The following NOX4 variants were observed in gnomAD, a reference collection of about 807,000 sequenced individuals.
NOX4 encodes NADPH oxidase 4.
NOX4 carries 69 observed loss-of-function variants against 87.6 expected under a neutral mutation model. That is an observed-to-expected ratio of 0.79 (90% confidence interval 0.65 to 0.96). The LOEUF (loss-of-function observed/expected upper bound fraction) is 0.96. Among genes scored for constraint, NOX4 ranks in the 40% least tolerant of loss-of-function variants. The pLI is 0.00. For synonymous variants in NOX4, 275 were observed against 238.2 expected (o/e 1.15, Z -1.42); for missense variants, 680 against 681.5 (o/e 1.00, Z 0.02).
At chr11:89,522,182 T>C in the NOX4 span, among the ~76,000 whole-genome samples, 1 of 152,116 alleles carries the variant, frequency 6.6e-6, no homozygotes, top group Non-Finnish European at 1.5e-5. Flanking sequence ...TAGGTATATA[T>C]CCAAAAGAAA....
chr11:89,426,270 G>A (rs548378642), intron 7 of NOX4, among the ~76,000 whole-genome samples: 20 of 152,258 alleles, frequency 1.3e-4, no homozygotes, highest in African/African-American at 4.3e-4. Context: ...AATAGGAACA[G>A]CTCCAGTCTA....
chr11:89,451,302 C>G (rs1944949345), intron 3 of NOX4, among the ~76,000 whole-genome samples: 1 of 152,188 alleles, frequency 6.6e-6, no homozygotes, highest in Non-Finnish European at 1.5e-5. Flanking sequence ...CACCAGCAAT[C>G]ATTTCATGTA....
the NOX4 span, among the ~76,000 whole-genome samples, chr11:89,507,144 G>T: frequency 5.3e-5 from 8 of 151,794 alleles, no homozygotes; most frequent in Non-Finnish European, 7.4e-5. Context: ...CTGTGGCTGG[G>T]GTGGGCTGGG....
chr11:89,409,023 T>C lies in NOX4; in HGVS notation c.630-6481A>G, dbSNP rs142927979. Among the ~76,000 whole-genome samples the C allele has an allele frequency of 6.0e-4, 91 of 152,036 alleles. 1 individual carries two copies. The highest frequency in any genetic ancestry group is 2.2e-3 in the African/African-American group (91 of 41,468). ...GGTCATTTCCCTAAGTTTCCTTAAC[T>C]GAAAAAGAGAAATAGTACCTGTTCC... On this transcript the variant is annotated intron_variant, in intron 8 of 17. Coordinates refer to ENST00000263317, the MANE Select transcript of NOX4 (RefSeq NM_016931.5).
At chr11:89,531,354 T>A in the NOX4 span, among the ~76,000 whole-genome samples, 2 of 152,292 alleles carry the variant, frequency 1.3e-5, no homozygotes, top group East Asian at 3.9e-4. Flanking sequence ...ACAGTGATTT[T>A]AAGACACCTA....
intron 17 of NOX4, among the ~76,000 whole-genome samples, chr11:89,328,449 T>C (rs1945306077): frequency 6.6e-6 from 1 of 152,154 alleles, no homozygotes; most frequent in South Asian, 2.1e-4. Flanking sequence ...AAGGCTGCTC[T>C]GGACCTCCAC....
the NOX4 span, among the ~76,000 whole-genome samples, chr11:89,579,584 A>G: frequency 6.6e-6 from 1 of 152,330 alleles, no homozygotes; most frequent in East Asian, 1.9e-4. Flanking sequence ...ATCTACCTGT[A>G]AAATAGCCAT....
At chr11:89,452,297 T>C (rs1016963779) in intron 2 of NOX4, among the ~76,000 whole-genome samples, 1 of 152,134 alleles carries the variant, frequency 6.6e-6, no homozygotes, top group African/African-American at 2.4e-5. Flanking sequence ...TTAAATGACA[T>C]TTTTCTCATG....
chr11:89,326,323 T>C lies in NOX4; in HGVS notation c.*433A>G, dbSNP rs1945218912. On this transcript the variant is annotated 3_prime_UTR_variant, in exon 18 of 18. Transcript: ENST00000263317. ...TTGCAAATTAAAGCTACTCTGTTTA[T>C]ACACAACACAGAAAATGGAATTTCA... 1 of 155,372 alleles carries C rather than the reference T, an allele frequency of 6.4e-6. No individual in the cohort carries two copies. Among genetic ancestry groups the C allele is most frequent in the African/African-American group, 2.4e-5 (1 of 41,474 alleles). The allele number at this position is 155,372 out of a possible 1,614,324, so 9.6% of individuals were successfully genotyped here.
chr11:89,468,991 A>G (rs1360851952), intron 2 of NOX4, among the ~76,000 whole-genome samples: 1 of 152,128 alleles, frequency 6.6e-6, no homozygotes, highest in Non-Finnish European at 1.5e-5. Context: ...CAGCCTCCCA[A>G]AGTGCTAGTA....
intron 2 of NOX4, among the ~76,000 whole-genome samples, chr11:89,459,648 T>G (rs564632452): frequency 0.026 from 3,869 of 151,552 alleles, 129 homozygotes; most frequent in African/African-American, 0.077. Flanking sequence ...CACTGCTCAA[T>G]GAAATAAAAG....
At chr11:89,525,895 A>G in the NOX4 span, among the ~76,000 whole-genome samples, 1 of 152,046 alleles carries the variant, frequency 6.6e-6, no homozygotes, top group Non-Finnish European at 1.5e-5. Context: ...TCTGTATTGT[A>G]TGAGGTCAAG....
intron 2 of NOX4, among the ~76,000 whole-genome samples, chr11:89,489,718 A>C: frequency 7.7e-6 from 1 of 129,334 alleles, no homozygotes; most frequent in African/African-American, 2.7e-5. Context: ...TCGCAGCAAG[A>C]CTCTGTCTCA....
At chr11:89,576,236 C>T in the NOX4 span, among the ~76,000 whole-genome samples, 1 of 152,144 alleles carries the variant, frequency 6.6e-6, no homozygotes, top group African/African-American at 2.4e-5. Flanking sequence ...TGTGAGCATT[C>T]AAGAAGCAGC....
chr11:89,474,319 T>C (rs1239545745), intron 2 of NOX4, among the ~76,000 whole-genome samples: 1 of 151,988 alleles, frequency 6.6e-6, no homozygotes, highest in Non-Finnish European at 1.5e-5. Context: ...CTTTTTTTTC[T>C]CTAAAAACTA....
intron 5 of NOX4, among the ~76,000 whole-genome samples, chr11:89,441,324 C>T (rs1292672044): frequency 6.6e-6 from 1 of 152,112 alleles, no homozygotes; most frequent in Non-Finnish European, 1.5e-5. Flanking sequence ...ATCTCTTATG[C>T]TCTAATGGTT....
Position 89,402,331 on chromosome 11 carries a change from G to A in NOX4, c.841C>T (p.Pro281Ser). The change falls in exon 9 of 18, where the codon CCA becomes TCA. Residue 281 changes from proline (P) to serine (S), a missense_variant. Physicochemically the swap from Pro to Ser is moderately conservative, Grantham distance 74. Transcript: ENST00000263317. ...AAACACAAAATTAATCTGACCTGTG[G>A]AAAATTAGCTTGGAATCTGGGCTCT... ...MEEPRFQANF[P>S]QTWLWISGPL... 2 of 1,612,180 alleles carry A rather than the reference G, an allele frequency of 1.2e-6. No homozygotes were observed. Among genetic ancestry groups the A allele is most frequent in the Non-Finnish European group, 8.5e-7 (1 of 1,178,700 alleles).
intron 4 of NOX4, among the ~76,000 whole-genome samples, chr11:89,447,072 G>T (rs546197780): frequency 6.6e-6 from 1 of 151,518 alleles, no homozygotes; most frequent in South Asian, 2.1e-4. Context: ...TTTTTAAGAG[G>T]AAAAAAAATG....
chr11:89,561,028 A>T, the NOX4 span, among the ~76,000 whole-genome samples: 1 of 107,058 alleles, frequency 9.3e-6, no homozygotes, highest in African/African-American at 4.2e-5. Flanking sequence ...ATACATACAC[A>T]CACACATACA....
Sources: gnomAD v4.1 joint callset for allele counts (sites outside exome capture counted in the v4.1 genomes callset) on GRCh38, gnomAD v4.1.1 for gene constraint, MANE v1.5 for transcripts, NCBI Gene and HGNC (gene_info 2026-07-23, HGNC 2026-07-21) for gene names.